The following PTPRD variants were observed in gnomAD, a reference collection of about 807,000 sequenced individuals.
PTPRD encodes receptor-type tyrosine-protein phosphatase delta.
A neutral mutation model predicts 214.5 loss-of-function variants in PTPRD; 34 were observed. That is an observed-to-expected ratio of 0.16 (90% CI 0.12 to 0.21). The LOEUF (loss-of-function observed/expected upper bound fraction) is 0.21, where lower values mean the gene tolerates loss of function less well. Ranked by LOEUF, PTPRD falls within the 10% of genes least tolerant of loss-of-function variation. PTPRD has a pLI of 1.00. For synonymous variants in PTPRD, 1,128 were observed against 845.7 expected (o/e 1.33, Z -5.79); for missense variants, 2,545 against 2,398.7 (o/e 1.06, Z -1.27).
At chr9:9,064,115 T>A (rs72694941) in intron 10 of PTPRD, among the ~76,000 whole-genome samples, 26,145 of 152,116 alleles carry the variant, frequency 0.17, 2,340 homozygotes, top group South Asian at 0.24. Context: ...TATATCATGT[T>A]GTAGAAAAAT....
At chr9:9,746,240 C>G (rs572790192) in intron 6 of PTPRD, among the ~76,000 whole-genome samples, 1 of 151,900 alleles carries the variant, frequency 6.6e-6, no homozygotes, top group Non-Finnish European at 1.5e-5. Context: ...ATAAAAGAGA[C>G]GACATGCTCA....
intron 9 of PTPRD, among the ~76,000 whole-genome samples, chr9:9,384,581 C>G (rs1050160093): frequency 2.0e-5 from 3 of 151,152 alleles, no homozygotes; most frequent in African/African-American, 7.3e-5. Flanking sequence ...TCTAATTAAG[C>G]CAACTCCTAA....
At chr9:10,198,172 A>T (rs1163239578) in intron 3 of PTPRD, among the ~76,000 whole-genome samples, 1 of 152,110 alleles carries the variant, frequency 6.6e-6, no homozygotes, top group Admixed American at 6.6e-5. Context: ...TTAAAAAGAG[A>T]AATAGTTGGA....
chr9:8,815,242 A>C (rs537957100), intron 11 of PTPRD, among the ~76,000 whole-genome samples: 24 of 152,278 alleles, frequency 1.6e-4, no homozygotes, highest in African/African-American at 4.6e-4. Context: ...CCGTTCTTCA[A>C]ATCATGCCTC....
chr9:8,480,042 T>C (rs1365535365), intron 30 of PTPRD, among the ~76,000 whole-genome samples: 1 of 152,196 alleles, frequency 6.6e-6, no homozygotes, highest in Non-Finnish European at 1.5e-5. Flanking sequence ...ATTCACATTA[T>C]CTATTTTCTG....
chr9:9,538,291 G>A (rs1359463441), intron 8 of PTPRD, among the ~76,000 whole-genome samples: 1 of 151,818 alleles, frequency 6.6e-6, no homozygotes, highest in Non-Finnish European at 1.5e-5. Context: ...CACAAGCACA[G>A]CACCAGTTAA....
chr9:8,655,451 C>A (rs1352172569), intron 12 of PTPRD, among the ~76,000 whole-genome samples: 4 of 152,220 alleles, frequency 2.6e-5, no homozygotes, highest in Non-Finnish European at 5.9e-5. Flanking sequence ...TGGTCCTTCA[C>A]CCCTGAATAA....
At chr9:8,834,923 T>C (rs2097380917) in intron 11 of PTPRD, among the ~76,000 whole-genome samples, 1 of 152,210 alleles carries the variant, frequency 6.6e-6, no homozygotes, top group Non-Finnish European at 1.5e-5. Context: ...GAGTAACTCC[T>C]GGGGTTATTC....
chr9:9,642,894 G>T (rs903962378), intron 7 of PTPRD, among the ~76,000 whole-genome samples: 2 of 152,188 alleles, frequency 1.3e-5, no homozygotes, highest in Admixed American at 6.5e-5. Flanking sequence ...TGCAAAAACA[G>T]AGCTGTGATT....
chr9:8,411,204 C>A (rs2093484489), intron 35 of PTPRD, among the ~76,000 whole-genome samples: 2 of 151,496 alleles, frequency 1.3e-5, no homozygotes, highest in Admixed American at 1.3e-4. Context: ...AGAGATCGTT[C>A]CAAATAAGAA....
intron 9 of PTPRD, among the ~76,000 whole-genome samples, chr9:9,246,736 G>T (rs943827658): frequency 1.3e-5 from 2 of 152,018 alleles, no homozygotes; most frequent in Non-Finnish European, 2.9e-5. Flanking sequence ...AACTGGACTG[G>T]CCTATTCTTG....
At chr9:9,527,470 T>C (rs2074388822) in intron 8 of PTPRD, among the ~76,000 whole-genome samples, 1 of 152,176 alleles carries the variant, frequency 6.6e-6, no homozygotes. Context: ...CAGAAAATAA[T>C]ATATGTTTTA....
chr9:8,848,064 G>A (rs1354465933), intron 11 of PTPRD, among the ~76,000 whole-genome samples: 2 of 151,884 alleles, frequency 1.3e-5, no homozygotes, highest in African/African-American at 4.8e-5. Flanking sequence ...TATTCTTGGT[G>A]GAAATATTTC....
intron 8 of PTPRD, among the ~76,000 whole-genome samples, chr9:9,436,384 G>T (rs932911051): frequency 4.6e-5 from 7 of 152,006 alleles, no homozygotes. Flanking sequence ...CTTCTCAGGG[G>T]AAAAGACTAA....
chr9:8,601,722 G>A (rs904051485), intron 14 of PTPRD, among the ~76,000 whole-genome samples: 7 of 152,176 alleles, frequency 4.6e-5, no homozygotes, highest in African/African-American at 1.7e-4. Context: ...TTTTCCTACT[G>A]ATTGACAGTG....
chr9:9,385,700 A>G (rs961444582), intron 9 of PTPRD, among the ~76,000 whole-genome samples: 3 of 152,172 alleles, frequency 2.0e-5, no homozygotes, highest in Admixed American at 2.0e-4. Context: ...GTAAGGGAAC[A>G]CCCATTAAAC....
intron 10 of PTPRD, among the ~76,000 whole-genome samples, chr9:9,158,887 C>T (rs1158703175): frequency 9.9e-5 from 15 of 152,062 alleles, no homozygotes; most frequent in African/African-American, 3.6e-4. Context: ...ATCCTTGGGA[C>T]GCAAGTATGG....
chr9:9,214,483 A>ATTTT (rs57017587), intron 9 of PTPRD, among the ~76,000 whole-genome samples: 14 of 144,842 alleles, frequency 9.7e-5, no homozygotes, highest in African/African-American at 3.6e-4. Flanking sequence ...AGGGAGGAGG[A>ATTTT]TTTTTTTTTT....
intron 11 of PTPRD, among the ~76,000 whole-genome samples, chr9:8,876,675 A>G (rs1427484089): frequency 6.6e-6 from 1 of 152,218 alleles, no homozygotes; most frequent in Non-Finnish European, 1.5e-5. Flanking sequence ...ATTTAATTGC[A>G]AAATAACTCA....
Sources: gnomAD v4.1 joint callset for allele counts (sites outside exome capture counted in the v4.1 genomes callset) on GRCh38, gnomAD v4.1.1 for gene constraint, MANE v1.5 for transcripts, NCBI Gene and HGNC (gene_info 2026-07-23, HGNC 2026-07-21) for gene names.